Variants in TTC27 observed in about 807,000 individuals in gnomAD.
TTC27 encodes the protein tetratricopeptide repeat protein 27.
Under a neutral mutation model 115.9 loss-of-function variants are expected in TTC27, and 79 were observed. That is an observed-to-expected ratio of 0.68 (90% CI 0.57 to 0.82). The LOEUF is 0.82. TTC27 is among the 40% of genes least tolerant of loss of function. The pLI is 0.00. For missense variants in TTC27, 1,054 were observed against 993.1 expected (o/e 1.06, Z -0.82); for synonymous variants, 401 against 356.0 (o/e 1.13, Z -1.42).
chr2:32,816,496 A>G (rs963211962), intron 18 of TTC27, among the ~76,000 whole-genome samples: 10 of 152,304 alleles, frequency 6.6e-5, no homozygotes, highest in African/African-American at 2.4e-4. Context: ...AATATTGGGC[A>G]TTATGTTTGT....
chr2:32,666,647 A>T lies in TTC27; in HGVS notation c.818A>T (p.Lys273Ile), dbSNP rs772866218. The T allele has an allele frequency of 6.2e-7, 1 of 1,613,970 alleles. No individual in the cohort carries two copies. The highest frequency in any genetic ancestry group is 1.7e-5 in the Admixed American group (1 of 60,000). The part of the protein sequence containing the change: ...LQIDLTGALG[K>I]RTRFQENYVA... ...ATTGTTTTTTCAGGTGCTTTGGGAAAAAGAACACGGTTCCAGGAAAATTAT... is the reference window on the plus strand; with the variant it reads ...ATTGTTTTTTCAGGTGCTTTGGGAATAAGAACACGGTTCCAGGAAAATTAT... Residue 273 changes from lysine (K) to isoleucine (I), a missense_variant, in exon 7 of 20, where the codon AAA (lysine) becomes ATA (isoleucine). By Grantham distance (102) the Lys-to-Ile change is moderately radical (BLOSUM62 -3). Coordinates refer to ENST00000317907, the MANE Select transcript of TTC27 (RefSeq NM_017735.5).
chr2:32,648,477 A>G (rs1200861321), intron 4 of TTC27, among the ~76,000 whole-genome samples: 12 of 138,684 alleles, frequency 8.7e-5, no homozygotes, highest in Non-Finnish European at 1.7e-4. Flanking sequence ...TTAGTCTTAC[A>G]GTGTTGCCCA....
chr2:32,744,856 C>G (rs1668762786), intron 12 of TTC27, among the ~76,000 whole-genome samples: 2 of 151,912 alleles, frequency 1.3e-5, no homozygotes, highest in Admixed American at 6.6e-5. Flanking sequence ...TGAGACCAGC[C>G]CGCCAGCCTG....
At chr2:32,685,729 C>T (rs1666606078) in intron 9 of TTC27, among the ~76,000 whole-genome samples, 1 of 152,144 alleles carries the variant, frequency 6.6e-6, no homozygotes, top group African/African-American at 2.4e-5. Flanking sequence ...AGAATATCAA[C>T]CTGATTAAGT....
intron 4 of TTC27, among the ~76,000 whole-genome samples, chr2:32,641,534 G>C (rs1013480531): frequency 6.6e-6 from 1 of 152,216 alleles, no homozygotes; most frequent in African/African-American, 2.4e-5. Flanking sequence ...CTGGATTTGC[G>C]CACAGGCTGT....
chr2:32,659,355 C>A (rs200665863), intron 5 of TTC27, among the ~76,000 whole-genome samples: 1 of 118,258 alleles, frequency 8.5e-6, no homozygotes, highest in Non-Finnish European at 1.7e-5. Context: ...GGTGTTACCT[C>A]TTTTTTTTTT....
chr2:32,727,301 C>T (rs1386096693), intron 10 of TTC27, among the ~76,000 whole-genome samples: 1 of 152,154 alleles, frequency 6.6e-6, no homozygotes, highest in Non-Finnish European at 1.5e-5. Context: ...AAGATCAGCT[C>T]ATTTTCCAAA....
chr2:32,660,553 CA>C (rs1263644644), intron 5 of TTC27, among the ~76,000 whole-genome samples: 1 of 151,798 alleles, frequency 6.6e-6, no homozygotes, highest in East Asian at 1.9e-4. Flanking sequence ...ACAATGAGAA[CA>C]CATGGACACA....
intron 13 of TTC27, among the ~76,000 whole-genome samples, chr2:32,773,944 A>G (rs1465227862): frequency 1.3e-5 from 2 of 152,192 alleles, no homozygotes; most frequent in Non-Finnish European, 2.9e-5. Context: ...GCCATGTGTG[A>G]CAATGGACAC....
intron 16 of TTC27, among the ~76,000 whole-genome samples, chr2:32,805,041 G>A (rs2148040290): frequency 6.6e-6 from 1 of 152,278 alleles, no homozygotes; most frequent in East Asian, 1.9e-4. Flanking sequence ...TAATAGAAAG[G>A]AAGAAAGAGG....
At chr2:32,674,862 C>A (rs1666141971) in intron 8 of TTC27, among the ~76,000 whole-genome samples, 1 of 152,074 alleles carries the variant, frequency 6.6e-6, no homozygotes, top group Non-Finnish European at 1.5e-5. Flanking sequence ...TGGGGTTTCA[C>A]TGTGTTAGCC....
intron 6 of TTC27, among the ~76,000 whole-genome samples, chr2:32,665,106 CG>C (rs1356129560): frequency 3.3e-5 from 5 of 152,060 alleles, no homozygotes; most frequent in African/African-American, 7.3e-5. Context: ...CTTGGCCTCC[CG>C]AAGTGCTGGG....
rs148646326 is a variant in TTC27 at position 32,641,507 on chromosome 2, C to T, written c.537+1097C>T. On this transcript the variant is annotated intron_variant, in intron 4 of 19. Transcript: ENST00000317907. ...AACGATTTTCAGTTCTTGGACTATA[C>T]GGAAACCAGTAGTGGGCTGGATTTG... Among the ~76,000 whole-genome samples the T allele has an allele frequency of 4.6e-4, 70 of 152,314 alleles. 1 individual carries two copies. The East Asian group carries it at 8.3e-3, about 18-fold the overall frequency.
At chr2:32,685,351 T>A (rs918761770) in intron 9 of TTC27, among the ~76,000 whole-genome samples, 2 of 152,078 alleles carry the variant, frequency 1.3e-5, no homozygotes, top group Non-Finnish European at 2.9e-5. Flanking sequence ...TAAGTTATCT[T>A]GCAAATTAGA....
intron 5 of TTC27, among the ~76,000 whole-genome samples, chr2:32,655,210 C>T (rs1665274903): frequency 6.6e-6 from 1 of 152,058 alleles, no homozygotes; most frequent in Non-Finnish European, 1.5e-5. Context: ...CCAAGCTGGT[C>T]TTGAAGTCTG....
chr2:32,755,820 T>C (rs1254592503), intron 12 of TTC27, among the ~76,000 whole-genome samples: 2 of 152,232 alleles, frequency 1.3e-5, no homozygotes, highest in Non-Finnish European at 2.9e-5. Context: ...CTGAGTGTTG[T>C]TTGCTTTCTT....
At chr2:32,630,380 C>T (rs1664133654) in intron 1 of TTC27, 143 bp from the exon 2 acceptor site, 1 of 548,538 alleles carries the variant, frequency 1.8e-6, no homozygotes, top group African/African-American at 1.9e-5. Flanking sequence ...TTACTGAGTG[C>T]CTTGTGACTG....
chr2:32,814,111 T>C (rs1292883512), intron 18 of TTC27, among the ~76,000 whole-genome samples: 3 of 152,218 alleles, frequency 2.0e-5, no homozygotes, highest in Non-Finnish European at 2.9e-5. Context: ...CTACTTCAAC[T>C]TGCCAACTCT....
intron 3 of TTC27, among the ~76,000 whole-genome samples, chr2:32,638,369 T>C (rs1176038275): frequency 6.6e-6 from 1 of 152,128 alleles, no homozygotes; most frequent in African/African-American, 2.4e-5. Context: ...TCCTTCTTTC[T>C]CTTTTATTTA....
Sources: gnomAD v4.1 joint callset for allele counts (sites outside exome capture counted in the v4.1 genomes callset) on GRCh38, gnomAD v4.1.1 for gene constraint, MANE v1.5 for transcripts, NCBI Gene and HGNC (gene_info 2026-07-23, HGNC 2026-07-21) for gene names.